The following AP3B1 variants were observed in gnomAD, a reference collection of about 807,000 sequenced individuals.
AP3B1 encodes the protein adaptor related protein complex 3 subunit beta 1.
In AP3B1, 61 loss-of-function variants were observed where a neutral mutation model predicts 132.5. That is an observed-to-expected ratio of 0.46 (90% CI 0.37 to 0.57). The LOEUF (loss-of-function observed/expected upper bound fraction) is 0.57. Ranked by LOEUF, AP3B1 falls within the 20% of genes least tolerant of loss-of-function variation. The pLI is 0.00. For missense variants in AP3B1, 1,120 were observed against 1,289.4 expected (o/e 0.87, Z 2.01); for synonymous variants, 388 against 438.3 (o/e 0.89, Z 1.43).
chr5:78,275,420 T>C (rs771152779), intron 1 of AP3B1, among the ~76,000 whole-genome samples: 1 of 152,224 alleles, frequency 6.6e-6, no homozygotes, highest in Non-Finnish European at 1.5e-5. Flanking sequence ...ACAGTTTCCA[T>C]GTGTAAAGCA....
chr5:78,237,999 G>A (rs1746954536), intron 3 of AP3B1, among the ~76,000 whole-genome samples: 1 of 152,092 alleles, frequency 6.6e-6, no homozygotes, highest in African/African-American at 2.4e-5. Context: ...TACAGACCAG[G>A]GGTCTACACA....
At chr5:78,040,566 C>T (rs1182612539) in intron 22 of AP3B1, among the ~76,000 whole-genome samples, 1 of 151,954 alleles carries the variant, frequency 6.6e-6, no homozygotes, top group African/African-American at 2.4e-5. Context: ...AAATCATAGG[C>T]AGCATATTAA....
chr5:78,053,475 TTCGAG>T (rs370815725), intron 22 of AP3B1, among the ~76,000 whole-genome samples: 248 of 151,474 alleles, frequency 1.6e-3, no homozygotes, highest in African/African-American at 5.5e-3. Flanking sequence ...AGGTCAGGAG[TTCGAG>T]ACCAGCCTGA....
intron 1 of AP3B1, 46 bp from the exon 2 acceptor site, chr5:78,267,641 T>G: frequency 1.8e-6 from 2 of 1,115,992 alleles, no homozygotes; most frequent in Non-Finnish European, 2.7e-6. Context: ...GATTTTTATA[T>G]TAGATAGCTT....
At chr5:78,234,337 A>G (rs2112507000) in intron 3 of AP3B1, among the ~76,000 whole-genome samples, 1 of 152,318 alleles carries the variant, frequency 6.6e-6, no homozygotes, top group Non-Finnish European at 1.5e-5. Flanking sequence ...TAGGTATAAG[A>G]TGGAAACCAA....
chr5:78,155,155 T>G (rs1015693614), intron 14 of AP3B1, among the ~76,000 whole-genome samples: 11 of 152,216 alleles, frequency 7.2e-5, no homozygotes, highest in African/African-American at 2.7e-4. Flanking sequence ...ATGATGTGGT[T>G]CTTGCAGACT....
intron 8 of AP3B1, 63 bp downstream of exon 8, chr5:78,181,444 G>A: frequency 6.7e-7 from 1 of 1,490,842 alleles, no homozygotes; most frequent in Non-Finnish European, 9.3e-7. Context: ...ACTAAATTGA[G>A]ATATTTTTAA....
chr5:78,213,015 C>T (rs989829491), intron 7 of AP3B1, among the ~76,000 whole-genome samples: 20 of 151,904 alleles, frequency 1.3e-4, no homozygotes, highest in Non-Finnish European at 2.1e-4. Flanking sequence ...GTAGCTGGGA[C>T]TACAGGTGCC....
intron 17 of AP3B1, among the ~76,000 whole-genome samples, chr5:78,126,949 T>C (rs1033871711): frequency 6.6e-6 from 1 of 152,246 alleles, no homozygotes; most frequent in Non-Finnish European, 1.5e-5. Context: ...ACAATCATTA[T>C]TAGGTTTAAA....
At position 78,002,919 on chromosome 5, in the gene AP3B1, C is replaced by A; in HGVS notation, c.3268G>T (p.Val1090Phe). Residue 1090 changes from valine to phenylalanine, a missense_variant, in exon 27 of 27, where the codon GTC (valine) becomes TTC (phenylalanine). This residue lies in a region of AP3B1 where 906 missense variants were observed against 997.1 expected (regional missense o/e 0.91). Transcript: ENST00000255194. ...GSVLLRELKPVLSQG is the reference protein window; with the variant it reads ...GSVLLRELKPFLSQG ...TAAGCAGGTTACCCCTGAGACAGGA[C>A]AGGCTTCAGTTCCCGCAGCAGAACA... 6.2e-7 allele frequency: 1 copy of A among 1,614,162 alleles called. No individual in the cohort carries two copies.
chr5:78,042,262 G>A (rs1233307784), intron 22 of AP3B1: 1 of 151,486 alleles, frequency 6.6e-6, no homozygotes, highest in Non-Finnish European at 1.5e-5. Flanking sequence ...TTTTTTTATA[G>A]ATAGGGGTTT....
At position 78,173,682 on chromosome 5, in the gene AP3B1, A is replaced by C. The variant is rs1008307366; in HGVS notation, c.1167+1944T>G. On this transcript the variant is annotated intron_variant, in intron 11 of 26. Coordinates refer to ENST00000255194, the MANE Select transcript of AP3B1 (RefSeq NM_003664.5). ...TGTCTTGGGGTTGCTCTTCTCGAGGAGTATCTTTGGGGTGTTCTCTGTATT... is the reference window on the plus strand; with the variant it reads ...TGTCTTGGGGTTGCTCTTCTCGAGGCGTATCTTTGGGGTGTTCTCTGTATT... 3.6e-4 allele frequency among the ~76,000 whole-genome samples: 52 copies of C among 146,212 alleles called. 1 individual carries two copies. The highest frequency in any genetic ancestry group is 3.5e-3 in the Middle Eastern group (1 of 288).
chr5:78,240,976 A>G (rs761520642), intron 2 of AP3B1, 40 bp from the exon 3 acceptor site: 74 of 1,358,020 alleles, frequency 5.4e-5, no homozygotes, highest in Non-Finnish European at 7.8e-5. Context: ...GAAATTCTAT[A>G]TATATTAAAT....
intron 24 of AP3B1, among the ~76,000 whole-genome samples, chr5:78,026,463 A>G (rs1290867154): frequency 6.6e-6 from 1 of 152,198 alleles, no homozygotes; most frequent in Non-Finnish European, 1.5e-5. Flanking sequence ...TGAATGAGTG[A>G]CATTTACCTT....
At chr5:78,196,392 A>C (rs1745077615) in intron 7 of AP3B1, among the ~76,000 whole-genome samples, 1 of 152,240 alleles carries the variant, frequency 6.6e-6, no homozygotes, top group Non-Finnish European at 1.5e-5. Context: ...AAGGATATAA[A>C]GTGACAGGAA....
chr5:78,040,488 T>C (rs780526172), intron 22 of AP3B1, among the ~76,000 whole-genome samples: 1 of 152,166 alleles, frequency 6.6e-6, no homozygotes, highest in Non-Finnish European at 1.5e-5. Context: ...TCTTGGTAAA[T>C]CACCTTTTAC....
chr5:78,154,123 A>G (rs1392210486), intron 14 of AP3B1, among the ~76,000 whole-genome samples: 1 of 152,194 alleles, frequency 6.6e-6, no homozygotes, highest in Non-Finnish European at 1.5e-5. Flanking sequence ...ATTTCTTACA[A>G]GAAAAGACAG....
chr5:78,237,338 T>C (rs1241193585), intron 3 of AP3B1, among the ~76,000 whole-genome samples: 1 of 144,302 alleles, frequency 6.9e-6, no homozygotes, highest in Non-Finnish European at 1.5e-5. Flanking sequence ...TACAAAATAT[T>C]TTTTAAATAG....
chr5:78,260,835 T>C (rs893787923), intron 2 of AP3B1, among the ~76,000 whole-genome samples: 2 of 150,796 alleles, frequency 1.3e-5, no homozygotes, highest in African/African-American at 4.9e-5. Flanking sequence ...TTATTCTAGG[T>C]ACCTGATAAA....
Sources: gnomAD v4.1 joint callset for allele counts (sites outside exome capture counted in the v4.1 genomes callset) on GRCh38, gnomAD v4.1.1 for gene constraint, gnomAD v4.1.1 regional missense constraint, MANE v1.5 for transcripts, NCBI Gene and HGNC (gene_info 2026-07-23, HGNC 2026-07-21) for gene names.